Variants in STK24 observed in about 807,000 individuals in gnomAD.
The protein encoded by STK24 is serine/threonine-protein kinase 24.
In STK24, 21 loss-of-function variants were observed where a neutral mutation model predicts 55.6. That is an observed-to-expected ratio of 0.38 (90% CI 0.27 to 0.54). STK24 has a LOEUF of 0.54. Ranked by LOEUF, STK24 falls within the 20% of genes least tolerant of loss-of-function variation. The pLI, the probability that STK24 is intolerant of heterozygous loss-of-function variation, is 0.79. For missense variants in STK24, 383 were observed against 538.4 expected, an observed-to-expected ratio of 0.71 and a Z score of 2.86; for synonymous variants, 200 against 215.2, an observed-to-expected ratio of 0.93 and a Z score of 0.62.
chr13:98,550,301 G>A (rs573151550), intron 1 of STK24, among the ~76,000 whole-genome samples: 10 of 152,200 alleles, frequency 6.6e-5, no homozygotes, highest in Non-Finnish European at 1.3e-4. Flanking sequence ...CACTTTGGGA[G>A]GTCAAGGGGG....
intron 1 of STK24, among the ~76,000 whole-genome samples, chr13:98,551,053 G>A (rs1410770895): frequency 2.6e-5 from 4 of 152,090 alleles, no homozygotes; most frequent in Non-Finnish European, 2.9e-5. Context: ...TTGGGAGGCC[G>A]AGGTGGGTGG....
chr13:98,531,794 C>T (rs113689325), intron 1 of STK24, among the ~76,000 whole-genome samples: 20 of 152,254 alleles, frequency 1.3e-4, no homozygotes, highest in Non-Finnish European at 2.2e-4. Context: ...AACTACCCAA[C>T]GATGCCTATC....
chr13:98,542,558 CATATAA>C (rs2139422085), intron 1 of STK24, among the ~76,000 whole-genome samples: 1 of 152,280 alleles, frequency 6.6e-6, no homozygotes, highest in South Asian at 2.1e-4. Context: ...AGGAAACCAG[CATATAA>C]ATATAAATGG....
chr13:98,488,537 T>C (rs560719301), intron 2 of STK24, among the ~76,000 whole-genome samples: 6 of 152,360 alleles, frequency 3.9e-5, no homozygotes, highest in African/African-American at 1.4e-4. Context: ...ACTGACCTTT[T>C]TTTTAAAGTA....
intron 1 of STK24, among the ~76,000 whole-genome samples, chr13:98,548,759 G>A (rs2139431376): frequency 6.6e-6 from 1 of 151,354 alleles, no homozygotes; most frequent in South Asian, 2.1e-4. Context: ...CTACTCGGGA[G>A]GCTGAGGCAG....
Position 98,448,293 on chromosome 13 carries a change from T to A in STK24, c.*4880A>T. ...CTGCCTCGCGACCCCACGTGTTGAGTCACAAAGAGTCTCTTGTGTATTGAT... is the reference window on the plus strand; with the variant it reads ...CTGCCTCGCGACCCCACGTGTTGAGACACAAAGAGTCTCTTGTGTATTGAT... On this transcript the variant is annotated 3_prime_UTR_variant, in exon 11 of 11. Transcript: ENST00000539966. The A allele has an allele frequency of 6.2e-7, 1 of 1,613,674 alleles. No homozygotes were observed. Among genetic ancestry groups the A allele is most frequent in the Non-Finnish European group, 8.5e-7 (1 of 1,179,710 alleles).
In STK24 at chr13:98,475,247, T is replaced by G; in HGVS notation, c.439+3A>C. 2.5e-6 allele frequency: 4 copies of G among 1,604,752 alleles called. No homozygotes were observed. The highest frequency in any genetic ancestry group is 2.6e-6 in the Non-Finnish European group (3 of 1,174,404). ...AAAGGAATGAAAACGGATGTCCTCT[T>G]ACCTTTAATGTCTCTGTGGATTTTC... On this transcript the variant is annotated splice_donor_region_variant and intron_variant, in intron 4 of 10. Coordinates refer to ENST00000539966, the MANE Select transcript of STK24 (RefSeq NM_001032296.4).
At chr13:98,466,348 G>A in intron 6 of STK24, 28 bp downstream of exon 6, 2 of 1,609,334 alleles carry the variant, frequency 1.2e-6, no homozygotes, top group Non-Finnish European at 8.5e-7. Flanking sequence ...CACATGAAGA[G>A]GTACGCTGTG....
rs60756124 is a variant in STK24 at position 98,559,002 on chromosome 13, TAAAAAAAAAA to T, written c.42+17733_42+17742del. On this transcript the variant is annotated intron_variant, in intron 1 of 10. Coordinates refer to ENST00000539966, the MANE Select transcript of STK24 (RefSeq NM_001032296.4). ...CAACGTGGAGAAACCCTGTCTCTAC[TAAAAAAAAAA>T]AAAAAAAAAAAAAAAAAAAATACAA... Among the ~76,000 whole-genome samples, 81 of 43,030 alleles carry T rather than the reference TAAAAAAAAAA, an allele frequency of 1.9e-3. 2 individuals are homozygous for T. Among genetic ancestry groups the T allele is most frequent in the Middle Eastern group, 0.02 (1 of 50 alleles). 28.2% of individuals were successfully genotyped at this position (43,030 alleles called of 152,430 possible). A position where few individuals can be genotyped will look rare whatever the true frequency, so the allele number is the denominator to read the frequency against.
rs1039388119 is a variant in STK24 at position 98,515,140 on chromosome 13, T to C, written c.273+4103A>G. On this transcript the variant is annotated intron_variant, in intron 2 of 10. Coordinates refer to ENST00000539966, the MANE Select transcript of STK24 (RefSeq NM_001032296.4). ...AAAGATTTGTAAGTGCTGAAGGGAA[T>C]GCACATTTGCAAATGGTGCACAGAG... is the stretch of plus-strand genomic sequence containing the variant. Among the ~76,000 whole-genome samples the C allele has an allele frequency of 1.4e-4, 21 of 149,574 alleles. 2 individuals carry two copies. The highest frequency in any genetic ancestry group is 1.1e-3 in the Admixed American group (17 of 15,012).
intron 1 of STK24, among the ~76,000 whole-genome samples, chr13:98,554,388 C>T (rs1186164063): frequency 6.6e-6 from 1 of 152,230 alleles, no homozygotes; most frequent in Non-Finnish European, 1.5e-5. Flanking sequence ...AGCAACAACA[C>T]AGGCGCTCCA....
chr13:98,528,991 AAC>A (rs1482623185), intron 1 of STK24, among the ~76,000 whole-genome samples: 1 of 152,066 alleles, frequency 6.6e-6, no homozygotes, highest in Non-Finnish European at 1.5e-5. Context: ...ATGAATCACA[AAC>A]ACTCTCCTAG....
chr13:98,531,939 C>G lies in STK24; in HGVS notation c.43-12466G>C, dbSNP rs143970116. ...GGTCAGCACCCTCCCAGGGCCGACC[C>G]TCCCTGCTGCATGTGGCTAGGGATT... On this transcript the variant is annotated intron_variant, in intron 1 of 10. Transcript: ENST00000539966. Among the ~76,000 whole-genome samples the G allele has an allele frequency of 4.9e-3, 740 of 152,310 alleles. 2 individuals carry two copies. Among genetic ancestry groups the G allele is most frequent in the Non-Finnish European group, 8.1e-3 (549 of 68,022 alleles).
At chr13:98,553,622 G>A (rs1897210233) in intron 1 of STK24, 1 of 153,442 alleles carries the variant, frequency 6.5e-6, no homozygotes, top group African/African-American at 2.4e-5. Context: ...AGACTGGGAG[G>A]GATGGGAGAG....
chr13:98,456,969 T>A (rs1442766514), intron 10 of STK24, 199 bp downstream of exon 10: 1 of 694,820 alleles, frequency 1.4e-6, no homozygotes, highest in Non-Finnish European at 2.3e-6. Context: ...TTTCCAGTAG[T>A]TTCCAGATTC....
rs544266228 is a variant in STK24, at chr13:98,565,353, C to T, written c.42+11392G>A. On this transcript the variant is annotated intron_variant, in intron 1 of 10. Transcript: ENST00000539966. ...CCTTATATTCTATTAGAGGGCTGGG[C>T]GCGGTGGCTCACACCTGTAACCCCA... Among the ~76,000 whole-genome samples, 26 of 152,130 alleles carry T rather than the reference C, an allele frequency of 1.7e-4. No individual in the cohort carries two copies. The South Asian group carries it at 4.2e-3, about 24-fold the overall frequency.
intron 1 of STK24, among the ~76,000 whole-genome samples, chr13:98,543,412 T>A (rs1260730837): frequency 6.6e-6 from 1 of 151,930 alleles, no homozygotes; most frequent in Non-Finnish European, 1.5e-5. Flanking sequence ...TGCCCCAAAT[T>A]CCCGGTCTGC....
At chr13:98,500,193 C>T (rs537719181) in intron 2 of STK24, among the ~76,000 whole-genome samples, 1 of 152,174 alleles carries the variant, frequency 6.6e-6, no homozygotes, top group Non-Finnish European at 1.5e-5. Flanking sequence ...TCCTTTGTCA[C>T]TTCATCTAGT....
intron 2 of STK24, among the ~76,000 whole-genome samples, chr13:98,486,425 A>G (rs758108199): frequency 2.0e-5 from 3 of 152,044 alleles, no homozygotes; most frequent in Non-Finnish European, 2.9e-5. Flanking sequence ...TAAGGAAGAA[A>G]CCTTCAAAGG....
Sources: gnomAD v4.1 joint callset for allele counts (sites outside exome capture counted in the v4.1 genomes callset) on GRCh38, gnomAD v4.1.1 for gene constraint, MANE v1.5 for transcripts, NCBI Gene and HGNC (gene_info 2026-07-23, HGNC 2026-07-21) for gene names.